The following GRIP1 variants were observed in gnomAD, a reference collection of about 807,000 sequenced individuals.
GRIP1 encodes the protein glutamate receptor interacting protein 1.
A neutral mutation model predicts 129.9 loss-of-function variants in GRIP1; 45 were observed. The observed-to-expected ratio is 0.35, with a 90% CI of 0.27 to 0.44. The LOEUF is 0.44. Among genes scored for constraint, GRIP1 ranks in the 20% least tolerant of loss-of-function variants. The pLI, the probability that GRIP1 is intolerant of heterozygous loss-of-function variation, is 1.00. For synonymous variants in GRIP1, 530 were observed against 520.8 expected, an observed-to-expected ratio of 1.02 and a Z score of -0.24; for missense variants, 1,196 against 1,396.8, an observed-to-expected ratio of 0.86 and a Z score of 2.29.
At chr12:67,044,991 G>C (rs1214417185) in intron 1 of GRIP1, among the ~76,000 whole-genome samples, 2 of 152,122 alleles carry the variant, frequency 1.3e-5, no homozygotes, top group African/African-American at 4.8e-5. Flanking sequence ...AGTCACAGAG[G>C]CTGTAAAAGA....
intron 1 of GRIP1, among the ~76,000 whole-genome samples, chr12:66,974,224 T>C (rs570683339): frequency 6.6e-6 from 1 of 152,170 alleles, no homozygotes; most frequent in African/African-American, 2.4e-5. Context: ...GCACCTGGCC[T>C]GGTCTTTACT....
At chr12:66,906,723 T>C (rs2040939577) in intron 1 of GRIP1, among the ~76,000 whole-genome samples, 1 of 152,174 alleles carries the variant, frequency 6.6e-6, no homozygotes, top group African/African-American at 2.4e-5. Context: ...TAAATTACTT[T>C]GGTGTTTATT....
At chr12:66,708,629 T>C (rs1247135668) in intron 1 of GRIP1, among the ~76,000 whole-genome samples, 1 of 151,914 alleles carries the variant, frequency 6.6e-6, no homozygotes, top group African/African-American at 2.4e-5. Context: ...TTAGGTTATA[T>C]TTATGTTTAA....
chr12:67,066,911 T>TATATATATATATATATATATATATAC (rs1474197671), intron 1 of GRIP1, among the ~76,000 whole-genome samples: 4 of 140,598 alleles, frequency 2.8e-5, no homozygotes, highest in African/African-American at 1.1e-4. Flanking sequence ...TATATATATA[T>TATATATATATATATATATATATATAC]ACACACACAC....
At chr12:66,890,541 G>C (rs1234504945) in intron 1 of GRIP1, among the ~76,000 whole-genome samples, 2 of 152,198 alleles carry the variant, frequency 1.3e-5, no homozygotes, top group Non-Finnish European at 2.9e-5. Flanking sequence ...GAACTTACTT[G>C]TTAGTCTGGG....
At chr12:66,797,722 C>A (rs1181090214) in intron 1 of GRIP1, among the ~76,000 whole-genome samples, 3 of 152,170 alleles carry the variant, frequency 2.0e-5, no homozygotes, top group Non-Finnish European at 1.5e-5. Context: ...CTTTCTAATT[C>A]TCTAACCTAG....
chr12:66,910,642 A>C (rs1267494501), intron 1 of GRIP1, among the ~76,000 whole-genome samples: 4 of 152,220 alleles, frequency 2.6e-5, no homozygotes, highest in Non-Finnish European at 2.9e-5. Context: ...TTTGAGGACA[A>C]GGAAAAGAAA....
intron 1 of GRIP1, among the ~76,000 whole-genome samples, chr12:66,630,518 C>A (rs921183857): frequency 6.6e-6 from 1 of 151,900 alleles, no homozygotes; most frequent in Non-Finnish European, 1.5e-5. Flanking sequence ...AAGAATGAAT[C>A]GCATTTGCCA....
Position 66,347,543 on chromosome 12 carries a change from T to C in GRIP1, c.*1476A>G, listed in dbSNP as rs2054022702. The C allele has an allele frequency of 6.6e-6, 1 of 152,168 alleles. No homozygotes were observed. The highest frequency in any genetic ancestry group is 1.5e-5 in the Non-Finnish European group (1 of 68,022). 9.4% of individuals were successfully genotyped at this position (152,168 alleles called of 1,614,324 possible). A position where few individuals can be genotyped will look rare whatever the true frequency, so the allele number is the denominator to read the frequency against. On this transcript the variant is annotated 3_prime_UTR_variant, in exon 25 of 25. Transcript: ENST00000359742. ...AACAATTTTGAATTCCCCAAAACCA[T>C]ACATAGACGATAAATACCATGCTAT...
chr12:66,596,583 G>A (rs572426684), intron 2 of GRIP1, among the ~76,000 whole-genome samples: 22 of 152,304 alleles, frequency 1.4e-4, no homozygotes, highest in African/African-American at 5.3e-4. Context: ...TAAATGAGTA[G>A]AGTTGATACA....
chr12:66,997,253 C>G (rs915520001), intron 1 of GRIP1, among the ~76,000 whole-genome samples: 1 of 151,894 alleles, frequency 6.6e-6, no homozygotes, highest in Non-Finnish European at 1.5e-5. Flanking sequence ...GCTGCTCCCA[C>G]CAAGATTCAA....
chr12:67,056,178 CT>C (rs2043432359), intron 1 of GRIP1, among the ~76,000 whole-genome samples: 2 of 152,158 alleles, frequency 1.3e-5, no homozygotes, highest in African/African-American at 4.8e-5. Context: ...ACATAGCTTC[CT>C]TTTAAGAACC....
At chr12:66,866,836 C>A (rs942397208) in intron 1 of GRIP1, among the ~76,000 whole-genome samples, 16 of 151,948 alleles carry the variant, frequency 1.1e-4, no homozygotes, top group African/African-American at 3.9e-4. Context: ...ACCACAAAAA[C>A]AATAATGTGA....
chr12:66,705,203 A>G (rs988450421), intron 1 of GRIP1, among the ~76,000 whole-genome samples: 1 of 152,136 alleles, frequency 6.6e-6, no homozygotes, highest in Admixed American at 6.6e-5. Context: ...GAAGCCATTC[A>G]AAACAGCATC....
At position 66,379,231 on chromosome 12, in the gene GRIP1, A is replaced by G. The variant is rs759173911; in HGVS notation, c.2621+49T>C. 1.0e-5 allele frequency: 16 copies of G among 1,579,416 alleles called. No individual in the cohort carries two copies. The Admixed American group carries it at 1.3e-4, about 13-fold the overall frequency. On this transcript the variant is annotated intron_variant, in intron 20 of 24. Coordinates refer to ENST00000359742, the MANE Select transcript of GRIP1 (RefSeq NM_001366722.1). ...GTACAGAAGTTCAAATCTTGCCCAC[A>G]TGACCATGCAGTCATCTTGGATGAG...
At chr12:66,976,979 T>C (rs895195821) in intron 1 of GRIP1, among the ~76,000 whole-genome samples, 3 of 152,176 alleles carry the variant, frequency 2.0e-5, no homozygotes, top group African/African-American at 7.2e-5. Context: ...TTCTATGTTC[T>C]GAACTGAATA....
At chr12:66,810,682 G>A (rs1180475221) in intron 1 of GRIP1, among the ~76,000 whole-genome samples, 1 of 152,220 alleles carries the variant, frequency 6.6e-6, no homozygotes, top group Admixed American at 6.5e-5. Flanking sequence ...CACCATCCAC[G>A]AAATGCTAGC....
intron 1 of GRIP1, among the ~76,000 whole-genome samples, chr12:66,956,180 C>G (rs574438540): frequency 6.6e-6 from 1 of 152,294 alleles, no homozygotes; most frequent in South Asian, 2.1e-4. Flanking sequence ...TCCTGGACAG[C>G]ATGTCGCATT....
chr12:66,695,886 C>T (rs766076574), intron 1 of GRIP1, among the ~76,000 whole-genome samples: 53 of 151,918 alleles, frequency 3.5e-4, no homozygotes, highest in Non-Finnish European at 4.0e-4. Flanking sequence ...ATAAATGAGG[C>T]AGTAGGAAAG....
Sources: gnomAD v4.1 joint callset for allele counts (sites outside exome capture counted in the v4.1 genomes callset) on GRCh38, gnomAD v4.1.1 for gene constraint, MANE v1.5 for transcripts, NCBI Gene and HGNC (gene_info 2026-07-23, HGNC 2026-07-21) for gene names.